COL19A1: variants seen among roughly 807,000 people sequenced by gnomAD.
The protein encoded by COL19A1 is collagen alpha-1(XIX) chain.
COL19A1 carries 159 observed loss-of-function variants against 190.2 expected under a neutral mutation model. The ratio of observed to expected loss-of-function variants is 0.84; its 90% CI spans 0.73 to 0.95. The LOEUF is 0.95. Ranked by LOEUF, COL19A1 falls within the 40% of genes least tolerant of loss-of-function variation. COL19A1 has a pLI of 0.00. For missense variants in COL19A1, 1,418 were observed against 1,431.9 expected (o/e 0.99, Z 0.16); for synonymous variants, 509 against 458.9 (o/e 1.11, Z -1.39).
intron 34 of COL19A1, among the ~76,000 whole-genome samples, chr6:70,156,971 T>G (rs1448271244): frequency 1.3e-5 from 2 of 152,132 alleles, no homozygotes; most frequent in Admixed American, 6.6e-5. Context: ...TTTTTCTGTT[T>G]TCATTTAACA....
chr6:70,173,439 G>T (rs1015780636), intron 41 of COL19A1, among the ~76,000 whole-genome samples: 3 of 152,180 alleles, frequency 2.0e-5, no homozygotes, highest in African/African-American at 4.8e-5. Context: ...GGAAGACTAA[G>T]AAGTAACCAG....
At chr6:70,102,679 A>G (rs1299813578) in intron 16 of COL19A1, among the ~76,000 whole-genome samples, 1 of 152,164 alleles carries the variant, frequency 6.6e-6, no homozygotes, top group Non-Finnish European at 1.5e-5. Context: ...TGCTATAAAG[A>G]TCATCTAACC....
chr6:70,049,717 T>G (rs2150131029), intron 14 of COL19A1, among the ~76,000 whole-genome samples: 1 of 152,192 alleles, frequency 6.6e-6, no homozygotes, highest in Non-Finnish European at 1.5e-5. Context: ...AAGAGTTATT[T>G]TATTTCATGT....
At chr6:70,207,039 C>T (rs1470518802) in intron 50 of COL19A1, 61 bp downstream of exon 50, 4 of 1,604,406 alleles carry the variant, frequency 2.5e-6, no homozygotes, top group African/African-American at 1.3e-5. Flanking sequence ...CCATGCTTCT[C>T]CCCTAGGGTC....
intron 15 of COL19A1, among the ~76,000 whole-genome samples, chr6:70,099,584 C>T (rs1783500770): frequency 6.6e-6 from 1 of 152,020 alleles, no homozygotes; most frequent in African/African-American, 2.4e-5. Flanking sequence ...GTTCCAAGCA[C>T]TTTGGGACAG....
chr6:70,038,844 C>T (rs1461844661), intron 14 of COL19A1, among the ~76,000 whole-genome samples: 1 of 152,074 alleles, frequency 6.6e-6, no homozygotes, highest in Non-Finnish European at 1.5e-5. Context: ...CTGCCTTTTC[C>T]CATAGATCAA....
intron 17 of COL19A1, among the ~76,000 whole-genome samples, chr6:70,129,181 A>G (rs944664002): frequency 9.9e-5 from 15 of 152,242 alleles, no homozygotes; most frequent in Non-Finnish European, 1.5e-5. Context: ...CGCAAAAAGC[A>G]CTAACTACCC....
Position 70,172,119 on chromosome 6 carries a change from G to A in COL19A1, c.2622+102G>A. 9 of 972,296 alleles carry A rather than the reference G, an allele frequency of 9.3e-6. No homozygotes were observed. In the East Asian group the frequency reaches 1.0e-4, roughly 11 times the overall value. The allele number at this position is 972,296 out of a possible 1,614,324, so 60.2% of individuals were successfully genotyped here. On this transcript the variant is annotated intron_variant, in intron 41 of 50. Coordinates refer to ENST00000620364, the MANE Select transcript of COL19A1 (RefSeq NM_001858.6). Reference sequence around the variant, plus strand: ...CTGTTTTAGGTTAGGGATATATAAAGGAACAAAACAGACAAAAATGTATGT... The same window carrying A: ...CTGTTTTAGGTTAGGGATATATAAAAGAACAAAACAGACAAAAATGTATGT...
intron 44 of COL19A1, among the ~76,000 whole-genome samples, chr6:70,180,940 T>C (rs907201701): frequency 2.6e-5 from 4 of 152,236 alleles, no homozygotes; most frequent in African/African-American, 9.6e-5. Flanking sequence ...ACAGGCCTTG[T>C]TTTCTTACAC....
chr6:70,168,707 C>A (rs1225247852), intron 40 of COL19A1, 26 bp downstream of exon 40: 1 of 1,610,958 alleles, frequency 6.2e-7, no homozygotes, highest in South Asian at 1.1e-5. Context: ...TGTTTTGTGT[C>A]ATTTAGAATA....
chr6:70,065,423 G>C (rs1781117104), intron 14 of COL19A1, among the ~76,000 whole-genome samples: 1 of 152,324 alleles, frequency 6.6e-6, no homozygotes, highest in East Asian at 1.9e-4. Context: ...AGCTGAAACT[G>C]GGTCCCTTCC....
At chr6:70,089,760 A>T (rs1337248922) in intron 15 of COL19A1, among the ~76,000 whole-genome samples, 1 of 152,162 alleles carries the variant, frequency 6.6e-6, no homozygotes, top group Non-Finnish European at 1.5e-5. Flanking sequence ...CAAGTTCATT[A>T]AATTATTAAT....
chr6:70,110,903 G>A (rs1014453456), intron 16 of COL19A1, among the ~76,000 whole-genome samples: 6 of 152,096 alleles, frequency 3.9e-5, no homozygotes, highest in East Asian at 1.9e-4. Context: ...TTACAGCAAC[G>A]ATGAGACAGA....
chr6:70,204,880 T>C (rs1278034065), intron 49 of COL19A1, among the ~76,000 whole-genome samples: 1 of 152,176 alleles, frequency 6.6e-6, no homozygotes, highest in Non-Finnish European at 1.5e-5. Context: ...TAAATATTAT[T>C]TTACTCCAGA....
At chr6:69,996,580 A>T (rs1776918016) in intron 11 of COL19A1, among the ~76,000 whole-genome samples, 1 of 152,156 alleles carries the variant, frequency 6.6e-6, no homozygotes, top group South Asian at 2.1e-4. Context: ...TAGGCAGGTT[A>T]GTAGTACACT....
chr6:70,190,038 A>G (rs574188866), intron 47 of COL19A1, among the ~76,000 whole-genome samples: 3 of 152,374 alleles, frequency 2.0e-5, no homozygotes, highest in African/African-American at 7.2e-5. Flanking sequence ...CCCTAACTGT[A>G]TAAAGCCATG....
chr6:70,146,568 G>A, intron 25 of COL19A1, 91 bp from the exon 26 acceptor site: 3 of 908,386 alleles, frequency 3.3e-6, no homozygotes, highest in Non-Finnish European at 4.9e-6. Flanking sequence ...CAAGCAAGAT[G>A]AAGAGTGATG....
intron 33 of COL19A1, 51 bp from the exon 34 acceptor site, chr6:70,156,619 A>T: frequency 6.3e-7 from 1 of 1,588,654 alleles, no homozygotes. Flanking sequence ...TTCATTTCCA[A>T]AAGATAAGAA....
chr6:70,073,233 G>C (rs6920814), intron 15 of COL19A1, among the ~76,000 whole-genome samples: 37,855 of 151,890 alleles, frequency 0.25, 7,963 homozygotes, highest in African/African-American at 0.56. Flanking sequence ...GGTGATCCAC[G>C]CTCCTTGGCC....
Sources: allele counts gnomAD v4.1 joint callset (sites outside exome capture counted in the v4.1 genomes callset), GRCh38; gene constraint gnomAD v4.1.1; transcripts MANE v1.5; gene names NCBI Gene and HGNC (gene_info 2026-07-23, HGNC 2026-07-21).